CERKL: variants seen among roughly 807,000 people sequenced by gnomAD.
CERKL encodes the protein ceramide kinase-like protein.
Under a neutral mutation model 63.4 loss-of-function variants are expected in CERKL, and 61 were observed. The ratio of observed to expected loss-of-function variants is 0.96; its 90% CI spans 0.78 to 1.19. The LOEUF is 1.19. Among genes scored for constraint, CERKL ranks in the 50% most tolerant of loss-of-function variants. The pLI is 0.00. For synonymous variants in CERKL, 250 were observed against 230.5 expected (o/e 1.08, Z -0.77); for missense variants, 675 against 655.5 (o/e 1.03, Z -0.33).
At chr2:181,547,545 G>A in intron 10 of CERKL, 73 bp downstream of exon 10, 1 of 1,187,058 alleles carries the variant, frequency 8.4e-7, no homozygotes. Flanking sequence ...CTAACCAACA[G>A]TTAATTGGAT....
intron 10 of CERKL, among the ~76,000 whole-genome samples, chr2:181,547,016 C>T (rs115571116): frequency 0.16 from 24,089 of 151,996 alleles, 2,162 homozygotes; most frequent in African/African-American, 0.22. Flanking sequence ...GAATAAGTCT[C>T]ATGAGATCTA....
chr2:181,643,473 G>GAGGAC (rs1687535858), intron 1 of CERKL, among the ~76,000 whole-genome samples: 2 of 152,208 alleles, frequency 1.3e-5, no homozygotes, highest in Admixed American at 6.5e-5. Flanking sequence ...ACTTCAAGGT[G>GAGGAC]TTATCCATTA....
chr2:181,587,276 G>A (rs1017792531), intron 2 of CERKL, among the ~76,000 whole-genome samples: 1 of 152,160 alleles, frequency 6.6e-6, no homozygotes, highest in Non-Finnish European at 1.5e-5. Flanking sequence ...ATGCAGCCCA[G>A]CAATGTAAAC....
intron 1 of CERKL, among the ~76,000 whole-genome samples, chr2:181,641,330 TATATATATATATATACATATATATAC>T (rs1407573976): frequency 0.08 from 673 of 8,414 alleles, 14 homozygotes; most frequent in Middle Eastern, 0.24. Context: ...TATATATATA[TATATATATATATATACATATATATAC>T]ACATATTTTT....
chr2:181,618,183 G>T (rs1686285573), intron 1 of CERKL, among the ~76,000 whole-genome samples: 1 of 151,768 alleles, frequency 6.6e-6, no homozygotes, highest in African/African-American at 2.4e-5. Flanking sequence ...TTTGGGTGAA[G>T]ATACACTAAA....
intron 2 of CERKL, among the ~76,000 whole-genome samples, chr2:181,588,151 T>C (rs1295998808): frequency 6.6e-6 from 1 of 152,132 alleles, no homozygotes; most frequent in Non-Finnish European, 1.5e-5. Flanking sequence ...TTTTCAAGTA[T>C]ACTTTATAAT....
intron 2 of CERKL, among the ~76,000 whole-genome samples, chr2:181,580,516 C>G (rs1386669163): frequency 6.6e-6 from 1 of 152,112 alleles, no homozygotes; most frequent in Non-Finnish European, 1.5e-5. Flanking sequence ...CAGCAGTCTA[C>G]TTACATTAGT....
At chr2:181,559,884 G>A (rs1688364746) in intron 4 of CERKL, among the ~76,000 whole-genome samples, 1 of 152,000 alleles carries the variant, frequency 6.6e-6, no homozygotes, top group Non-Finnish European at 1.5e-5. Context: ...CACATAGCCT[G>A]GGCAATCCAA....
intron 1 of CERKL, among the ~76,000 whole-genome samples, chr2:181,619,928 G>C (rs1351199984): frequency 2.0e-5 from 3 of 152,220 alleles, no homozygotes; most frequent in African/African-American, 7.2e-5. Context: ...GGAGAGGTTA[G>C]AGAAAGAATA....
At chr2:181,563,015 G>A (rs1259093356) in intron 4 of CERKL, among the ~76,000 whole-genome samples, 1 of 151,992 alleles carries the variant, frequency 6.6e-6, no homozygotes, top group African/African-American at 2.4e-5. Flanking sequence ...AATATTAATA[G>A]CGAGGAATTC....
chr2:181,564,245 T>C (rs1471728171), intron 4 of CERKL, among the ~76,000 whole-genome samples: 2 of 152,162 alleles, frequency 1.3e-5, no homozygotes, highest in Admixed American at 6.6e-5. Context: ...GGCCACTGAC[T>C]GATATTCATC....
chr2:181,564,710 A>G (rs1004729996), intron 4 of CERKL, among the ~76,000 whole-genome samples: 8 of 152,128 alleles, frequency 5.3e-5, no homozygotes, highest in Non-Finnish European at 1.2e-4. Context: ...CTTTATTCTC[A>G]TTCTTTAATC....
chr2:181,650,160 A>G (rs978520423), intron 1 of CERKL: 1 of 142,742 alleles, frequency 7.0e-6, no homozygotes, highest in Non-Finnish European at 1.5e-5. Flanking sequence ...GAAGGAAGGA[A>G]GGAAAGAAGG....
At chr2:181,633,230 G>A (rs1255117924) in intron 1 of CERKL, among the ~76,000 whole-genome samples, 1 of 152,146 alleles carries the variant, frequency 6.6e-6, no homozygotes, top group African/African-American at 2.4e-5. Flanking sequence ...CAGCCAAGTG[G>A]GGACAGAAGG....
chr2:181,540,241 T>C (rs893314249), intron 11 of CERKL, among the ~76,000 whole-genome samples: 1 of 152,200 alleles, frequency 6.6e-6, no homozygotes, highest in African/African-American at 2.4e-5. Flanking sequence ...GCAAAACTGT[T>C]TGACAGTAAC....
At chr2:181,651,994 A>C (rs1687959826) in intron 1 of CERKL, among the ~76,000 whole-genome samples, 1 of 152,176 alleles carries the variant, frequency 6.6e-6, no homozygotes, top group African/African-American at 2.4e-5. Context: ...TTGATGAAAG[A>C]AATTATCTTC....
chr2:181,652,071 A>T (rs1391849679), intron 1 of CERKL, among the ~76,000 whole-genome samples: 1 of 152,182 alleles, frequency 6.6e-6, no homozygotes, highest in Non-Finnish European at 1.5e-5. Context: ...TAAAATGGCC[A>T]TACTACCCAA....
intron 2 of CERKL, among the ~76,000 whole-genome samples, chr2:181,578,197 C>A (rs559073026): frequency 6.6e-6 from 1 of 151,598 alleles, no homozygotes; most frequent in African/African-American, 2.4e-5. Context: ...TATACACACA[C>A]GTATATATAT....
intron 1 of CERKL, among the ~76,000 whole-genome samples, chr2:181,626,871 C>T (rs1016380733): frequency 6.6e-6 from 1 of 152,222 alleles, no homozygotes; most frequent in Non-Finnish European, 1.5e-5. Context: ...CCAGCCAGCA[C>T]TAGGTCCACA....
Sources: gnomAD v4.1 joint callset for allele counts (sites outside exome capture counted in the v4.1 genomes callset) on GRCh38, gnomAD v4.1.1 for gene constraint, MANE v1.5 for transcripts, NCBI Gene and HGNC (gene_info 2026-07-23, HGNC 2026-07-21) for gene names.